SLC9A9: variants seen among roughly 807,000 people sequenced by gnomAD.
SLC9A9 encodes solute carrier family 9 member A9, also known as sodium/hydrogen exchanger 9.
SLC9A9 carries 62 observed loss-of-function variants against 77.8 expected under a neutral mutation model. The ratio of observed to expected loss-of-function variants is 0.80; its 90% CI spans 0.65 to 0.98. The LOEUF is 0.98. Among genes scored for constraint, SLC9A9 ranks in the 50% least tolerant of loss-of-function variants. SLC9A9 has a pLI of 0.00. For synonymous variants in SLC9A9, 320 were observed against 283.5 expected, an observed-to-expected ratio of 1.13 and a Z score of -1.29; for missense variants, 775 against 774.9, an observed-to-expected ratio of 1.00 and a Z score of 0.00.
chr3:143,554,167 T>A (rs1394303227), intron 8 of SLC9A9, among the ~76,000 whole-genome samples: 1 of 152,188 alleles, frequency 6.6e-6, no homozygotes, highest in Non-Finnish European at 1.5e-5. Context: ...AAATTCATTG[T>A]AAGAACAAGA....
At chr3:143,503,251 C>A in intron 9 of SLC9A9, 2 of 236,710 alleles carry the variant, frequency 8.4e-6, no homozygotes, top group South Asian at 1.0e-4. Context: ...CTTTTACTCT[C>A]ATGCTGTCAC....
intron 4 of SLC9A9, among the ~76,000 whole-genome samples, chr3:143,712,173 T>A (rs571997776): frequency 6.6e-6 from 1 of 152,208 alleles, no homozygotes; most frequent in African/African-American, 2.4e-5. Flanking sequence ...TATTTACAGA[T>A]GGTTTCATGA....
intron 12 of SLC9A9, among the ~76,000 whole-genome samples, chr3:143,461,882 G>A (rs1431406181): frequency 6.6e-6 from 1 of 152,114 alleles, no homozygotes; most frequent in South Asian, 2.1e-4. Context: ...TATGGAAGCA[G>A]ATATATTTAA....
intron 12 of SLC9A9, among the ~76,000 whole-genome samples, chr3:143,463,739 A>G (rs1447340590): frequency 6.6e-6 from 1 of 152,202 alleles, no homozygotes; most frequent in Non-Finnish European, 1.5e-5. Flanking sequence ...TGCATTACAA[A>G]CATTTTATGA....
intron 9 of SLC9A9, among the ~76,000 whole-genome samples, chr3:143,511,459 T>C (rs1029073493): frequency 1.3e-5 from 2 of 152,182 alleles, no homozygotes; most frequent in African/African-American, 4.8e-5. Context: ...TCAGCACTGA[T>C]TTTTGTATTC....
intron 5 of SLC9A9, among the ~76,000 whole-genome samples, chr3:143,652,812 C>CACACACACACACA (rs3220687): frequency 1.3e-5 from 2 of 149,746 alleles, no homozygotes; most frequent in African/African-American, 4.9e-5. Flanking sequence ...CACACACACA[C>CACACACACACACA]TTCTTGCTAC....
chr3:143,834,082 A>G (rs2009506087), intron 1 of SLC9A9, among the ~76,000 whole-genome samples: 1 of 152,226 alleles, frequency 6.6e-6, no homozygotes, highest in Admixed American at 6.5e-5. Context: ...GTTGAGAACT[A>G]ATCAGAGTGA....
intron 14 of SLC9A9, among the ~76,000 whole-genome samples, chr3:143,319,966 G>C (rs192609126): frequency 6.6e-6 from 1 of 152,146 alleles, no homozygotes; most frequent in Non-Finnish European, 1.5e-5. Flanking sequence ...GGCTGGTGCT[G>C]TCACCTGTGT....
At position 143,266,538 on chromosome 3, in the gene SLC9A9, TTTC is replaced by T. The variant is rs1261882787; in HGVS notation, c.*161_*163del. The T allele has an allele frequency of 2.8e-6, 2 of 717,400 alleles. No homozygotes were observed. Among genetic ancestry groups the T allele is most frequent in the Non-Finnish European group, 4.8e-6 (2 of 420,794 alleles). 44.4% of individuals were successfully genotyped at this position (717,400 alleles called of 1,614,324 possible). A position where few individuals can be genotyped will look rare whatever the true frequency, so the allele number is the denominator to read the frequency against. ...AATAGAGAGGGATAATAAAATCTCA[TTTC>T]TTCAGGCACCAGAGGATCCATGTGA... On this transcript the variant is annotated 3_prime_UTR_variant, in exon 16 of 16. Transcript: ENST00000316549.
intron 2 of SLC9A9, among the ~76,000 whole-genome samples, chr3:143,827,412 AT>A (rs1374269539): frequency 1.3e-5 from 2 of 152,162 alleles, no homozygotes; most frequent in Middle Eastern, 3.4e-3. Context: ...AAGTGAAAAT[AT>A]TTTTTTTCTT....
At chr3:143,671,993 C>G (rs542968734) in intron 5 of SLC9A9, among the ~76,000 whole-genome samples, 1 of 152,322 alleles carries the variant, frequency 6.6e-6, no homozygotes, top group Non-Finnish European at 1.5e-5. Flanking sequence ...AGTCATCCAA[C>G]TTTCTTTATA....
intron 8 of SLC9A9, among the ~76,000 whole-genome samples, chr3:143,571,832 A>G (rs1258842104): frequency 6.6e-6 from 1 of 152,196 alleles, no homozygotes; most frequent in East Asian, 1.9e-4. Context: ...TTATGTTATG[A>G]GTTGTCACAA....
At chr3:143,292,706 T>C (rs2030067128) in intron 14 of SLC9A9, among the ~76,000 whole-genome samples, 1 of 152,118 alleles carries the variant, frequency 6.6e-6, no homozygotes, top group South Asian at 2.1e-4. Context: ...TGCAAACATG[T>C]ATTATACTCT....
intron 4 of SLC9A9, among the ~76,000 whole-genome samples, chr3:143,733,944 C>T (rs1241074141): frequency 6.6e-6 from 1 of 152,100 alleles, no homozygotes; most frequent in African/African-American, 2.4e-5. Flanking sequence ...TACCTATAAT[C>T]CCAGCACTTT....
intron 4 of SLC9A9, among the ~76,000 whole-genome samples, chr3:143,766,236 G>A (rs1314273724): frequency 1.3e-5 from 2 of 152,170 alleles, no homozygotes; most frequent in Non-Finnish European, 2.9e-5. Flanking sequence ...TGTAGACAAA[G>A]ACAAACTACA....
At chr3:143,394,253 C>T (rs1468445021) in intron 12 of SLC9A9, among the ~76,000 whole-genome samples, 1 of 152,204 alleles carries the variant, frequency 6.6e-6, no homozygotes, top group Non-Finnish European at 1.5e-5. Context: ...GCTTATCCAC[C>T]ATGATCAAGT....
chr3:143,844,662 A>C (rs1389873200), intron 1 of SLC9A9, among the ~76,000 whole-genome samples: 1 of 152,156 alleles, frequency 6.6e-6, no homozygotes, highest in African/African-American at 2.4e-5. Flanking sequence ...TCTACTCTCA[A>C]ATGTTCACTT....
chr3:143,819,453 G>C (rs1388045138), intron 2 of SLC9A9, among the ~76,000 whole-genome samples: 1 of 152,188 alleles, frequency 6.6e-6, no homozygotes, highest in African/African-American at 2.4e-5. Flanking sequence ...ATTGAACTTG[G>C]AGTCAGAAGC....
intron 6 of SLC9A9, among the ~76,000 whole-genome samples, chr3:143,581,540 T>C (rs2037453414): frequency 6.6e-6 from 1 of 152,052 alleles, no homozygotes; most frequent in Non-Finnish European, 1.5e-5. Context: ...TCCTTTTGTC[T>C]TTCCTTCCTT....
Sources: allele counts gnomAD v4.1 joint callset (sites outside exome capture counted in the v4.1 genomes callset), GRCh38; gene constraint gnomAD v4.1.1; transcripts MANE v1.5; gene names NCBI Gene and HGNC (gene_info 2026-07-23, HGNC 2026-07-21).